The following COL5A3 variants were observed in gnomAD, a reference collection of about 807,000 sequenced individuals.
COL5A3 encodes collagen type V alpha 3 chain.
COL5A3 carries 172 observed loss-of-function variants against 250.0 expected under a neutral mutation model. The observed-to-expected ratio is 0.69, with a 90% CI of 0.61 to 0.78. COL5A3 has a LOEUF of 0.78. COL5A3 is among the 30% of genes least tolerant of loss of function. The pLI is 0.00. For missense variants in COL5A3, 2,340 were observed against 2,334.4 expected, an observed-to-expected ratio of 1.00 and a Z score of -0.05; for synonymous variants, 937 against 900.4, an observed-to-expected ratio of 1.04 and a Z score of -0.73.
rs770884353 is a variant in COL5A3, at chr19:9,960,429, G to A, written c.5220C>T (p.Pro1740=). 3.2e-5 allele frequency: 51 copies of A among 1,614,040 alleles called. No homozygotes were observed. The highest frequency in any genetic ancestry group is 1.8e-4 in the East Asian group (8 of 44,898). ...GACACTCTCAGCTGCTGAAGCAGAC[G>A]GGGCCCAGTTCAAACCCAAACTTTT... is the stretch of plus-strand genomic sequence containing the variant. The part of the protein sequence containing the change: ...TNQKFGFELG[P]VCFSS The change falls in exon 67 of 67, where the codon CCC becomes CCT. Residue 1740 remains proline (P), a synonymous_variant. Transcript: ENST00000264828.
intron 44 of COL5A3, among the ~76,000 whole-genome samples, chr19:9,976,963 C>G (rs73502989): frequency 0.042 from 6,321 of 152,208 alleles, 435 homozygotes; most frequent in African/African-American, 0.15. Context: ...GTGTCACTAA[C>G]AATGGAGAAG....
At chr19:9,984,740 A>G (rs2087070430) in intron 31 of COL5A3, among the ~76,000 whole-genome samples, 1 of 152,116 alleles carries the variant, frequency 6.6e-6, no homozygotes, top group East Asian at 1.9e-4. Flanking sequence ...CCAAGATCAC[A>G]TAGCGGGTAA....
At position 9,992,868 on chromosome 19, in the gene COL5A3, G is replaced by C. The variant is rs769984100; in HGVS notation, c.1807C>G (p.Leu603Val). The change falls in exon 21 of 67, where the codon CTG becomes GTG. Residue 603 changes from leucine to valine, a missense_variant. Transcript: ENST00000264828. ...GQAGEPGPRG[L>V]LGPRGSPGPT... is the part of the protein sequence containing the mutation. Reference sequence around the variant, plus strand: ...CCAGGAGAGCCTCTGGGGCCAAGCAGTCCTCGTGGACCCTGCAAGGGAGCA... The same window carrying C: ...CCAGGAGAGCCTCTGGGGCCAAGCACTCCTCGTGGACCCTGCAAGGGAGCA... The C allele has an allele frequency of 1.4e-5, 22 of 1,614,170 alleles. No homozygotes were observed. Among genetic ancestry groups the C allele is most frequent in the Non-Finnish European group, 1.9e-5 (22 of 1,179,996 alleles).
chr19:9,962,633 T>C (rs1372076118), intron 65 of COL5A3, among the ~76,000 whole-genome samples, 186 bp downstream of exon 65: 1 of 152,174 alleles, frequency 6.6e-6, no homozygotes, highest in Non-Finnish European at 1.5e-5. Context: ...ACCATCATTC[T>C]GTATGGCAAT....
intron 64 of COL5A3, among the ~76,000 whole-genome samples, chr19:9,963,410 G>A (rs1265355343): frequency 1.3e-5 from 2 of 151,724 alleles, no homozygotes; most frequent in Admixed American, 1.3e-4. Context: ...TATTTTTTGA[G>A]ACAGAGTCTT....
chr19:9,974,475 G>A (rs945826591), intron 45 of COL5A3, 67 bp from the exon 46 acceptor site: 1 of 1,217,590 alleles, frequency 8.2e-7, no homozygotes, highest in African/African-American at 1.5e-5. Context: ...TGAGGCTCAA[G>A]GGTCAAGACT....
At position 9,992,808 on chromosome 19, in the gene COL5A3, GAGAGCC is replaced by G. The variant is rs1490428394; in HGVS notation, c.1848+13_1848+18del. The G allele has an allele frequency of 5.6e-6, 9 of 1,612,790 alleles. No individual in the cohort carries two copies. The Admixed American group carries it at 1.5e-4, about 27-fold the overall frequency. ...AAACAAAAAGACAGACAGGGATGCA[GAGAGCC>G]AGTGACACTCACCGGGCGACCCGTG... On this transcript the variant is annotated intron_variant, in intron 21 of 66. Transcript: ENST00000264828.
rs1322787016 is a variant in COL5A3, at chr19:9,973,578, C to T, written c.3658G>A (p.Gly1220Ser). Residue 1220 changes from glycine to serine, a missense_variant, in exon 50 of 67, where the codon GGC (glycine) becomes AGC (serine). Transcript: ENST00000264828. Reference protein sequence around the residue: ...AGDPGPPGAPGIPGPKGDIGE... With the variant: ...AGDPGPPGAPSIPGPKGDIGE... The stretch of plus-strand genomic sequence containing the variant: ...ATCACACAGTCACTCACCGGGATGC[C>T]TGGGGCTCCTGGAGGCCCTGGGTCT... 3.1e-6 allele frequency: 5 copies of T among 1,612,298 alleles called. No homozygotes were observed. Among genetic ancestry groups the T allele is most frequent in the Non-Finnish European group, 4.2e-6 (5 of 1,179,192 alleles).
In COL5A3 at chr19:9,968,414, G is replaced by T; in HGVS notation, c.4285C>A (p.Gln1429Lys). The T allele has an allele frequency of 1.9e-6, 3 of 1,591,908 alleles. No individual in the cohort carries two copies. Among genetic ancestry groups the T allele is most frequent in the Non-Finnish European group, 2.6e-6 (3 of 1,174,528 alleles). Residue 1429 changes from glutamine to lysine, a missense_variant, in exon 59 of 67, where the codon CAG (glutamine) becomes AAG (lysine). Physicochemically the swap from Gln to Lys is moderately conservative, Grantham distance 53 (BLOSUM62 1). This residue lies in a region of COL5A3 where 1,179 missense variants were observed against 1,162.6 expected (regional missense o/e 1.01). Coordinates refer to ENST00000264828, the MANE Select transcript of COL5A3 (RefSeq NM_015719.4). This position sits in a 1 kb window ranked among gnomAD's most constrained non-coding sequence, Gnocchi z 4.1. ...EKGDQGLPGVQGPPGPKGDPG... is the reference protein window; with the variant it reads ...EKGDQGLPGVKGPPGPKGDPG... ...TCTCCCTTGGGACCAGGGGGTCCCT[G>T]CACGCCTGGCAACCCCTGATCTCCT... is the stretch of plus-strand genomic sequence containing the variant.
intron 61 of COL5A3, 62 bp from the exon 62 acceptor site, chr19:9,967,462 C>T: frequency 9.6e-7 from 1 of 1,044,316 alleles, no homozygotes; most frequent in South Asian, 1.6e-5. Context: ...CACCAACATA[C>T]ACACAAACAC....
intron 11 of COL5A3, chr19:9,996,914 T>TG (rs2087282371): frequency 1.9e-6 from 1 of 518,802 alleles, no homozygotes; most frequent in South Asian, 2.6e-5. Flanking sequence ...GAGAGAGGGA[T>TG]GGAGAAGGAT....
chr19:9,998,896 G>T (rs545248192), intron 8 of COL5A3, among the ~76,000 whole-genome samples: 2 of 151,882 alleles, frequency 1.3e-5, no homozygotes, highest in Non-Finnish European at 2.9e-5. Flanking sequence ...TGTTGGTTAG[G>T]CTGGTCTCGA....
rs1413281552 is a variant in COL5A3 at position 10,009,494 on chromosome 19, G to C, written c.88+804C>G. On this transcript the variant is annotated intron_variant, in intron 1 of 66. Transcript: ENST00000264828. The surrounding 1 kb of genome is among the most constrained non-coding windows in gnomAD (Gnocchi z 4.4). ...AAGGCTCCAGCAGCTGGGGTGGGGA[G>C]GGGGGGAGCAACTTCCACTCCTGCC... Among the ~76,000 whole-genome samples the C allele has an allele frequency of 1.3e-5, 2 of 151,816 alleles. No individual in the cohort carries two copies. The highest frequency in any genetic ancestry group is 2.9e-5 in the Non-Finnish European group (2 of 67,914).
At chr19:9,996,579 A>T (rs1169430704) in intron 12 of COL5A3, 36 bp downstream of exon 12, 1 of 1,612,764 alleles carries the variant, frequency 6.2e-7, no homozygotes, top group East Asian at 2.2e-5. Context: ...TCAGGACTCC[A>T]CTCCCCAAGG....
Position 9,960,813 on chromosome 19 carries a change from A to C in COL5A3, c.4929T>G (p.Ala1643=), listed in dbSNP as rs777083552. ...LNFLKLLSAT[A]RQNFTYSCQN... ...GGCAGGAGTAGGTGAAGTTCTGGCGAGCTGTGGCACTCAGCAGTTTCAGGA... is the reference window on the plus strand; with the variant it reads ...GGCAGGAGTAGGTGAAGTTCTGGCGCGCTGTGGCACTCAGCAGTTTCAGGA... The change falls in exon 66 of 67, where the codon GCT becomes GCG. Residue 1643 remains alanine, a synonymous_variant. Transcript: ENST00000264828. 4 of 1,613,602 alleles carry C rather than the reference A, an allele frequency of 2.5e-6. No homozygotes were observed. In the South Asian group the frequency reaches 3.3e-5, roughly 13 times the overall value.
In COL5A3 at chr19:9,992,008, T is replaced by C. The variant is rs766979381; in HGVS notation, c.1889A>G (p.Asn630Ser). Reference protein sequence around the residue: ...GIDGAPGAKGNVGPPGEPGPP... With the variant: ...GIDGAPGAKGSVGPPGEPGPP... ...CAAAGGGCACAGGGCACATACCACATTGCCTTTGGCACCAGGAGCACCATC... is the reference window on the plus strand; with the variant it reads ...CAAAGGGCACAGGGCACATACCACACTGCCTTTGGCACCAGGAGCACCATC... The change falls in exon 22 of 67, where the codon AAT becomes AGT. Residue 630 changes from asparagine (N) to serine (S), a missense_variant. Physicochemically the swap from Asn to Ser is conservative, Grantham distance 46. Around this residue, in one of 3 missense-constraint regions of COL5A3, gnomAD observed 1,152 missense variants for 1,146.3 expected, o/e 1.00. Coordinates refer to ENST00000264828, the MANE Select transcript of COL5A3 (RefSeq NM_015719.4). 5 of 1,613,168 alleles carry C rather than the reference T, an allele frequency of 3.1e-6. No individual in the cohort carries two copies. Among genetic ancestry groups the C allele is most frequent in the Non-Finnish European group, 3.4e-6 (4 of 1,179,340 alleles).
rs1029100807 is a variant in COL5A3 at position 9,960,733 on chromosome 19, C to T, written c.5009G>A (p.Arg1670His). ...EATGDYSHSA[R>H]FLGTNGEELS... ...CTCCTCTCCATTGGTGCCAAGGAAG[C>T]GGGCGGAGTGGCTGTAGTCACCCGT... Residue 1670 changes from arginine to histidine, a missense_variant, in exon 66 of 67, where the codon CGC (arginine) becomes CAC (histidine). By Grantham distance (29) the Arg-to-His change is conservative. This residue lies in a region of COL5A3 where 1,179 missense variants were observed against 1,162.6 expected (regional missense o/e 1.01). Coordinates refer to ENST00000264828, the MANE Select transcript of COL5A3 (RefSeq NM_015719.4). 18 of 1,613,904 alleles carry T rather than the reference C, an allele frequency of 1.1e-5. No individual in the cohort carries two copies. The highest frequency in any genetic ancestry group is 1.3e-5 in the African/African-American group (1 of 74,896).
intron 19 of COL5A3, 69 bp from the exon 20 acceptor site, chr19:9,993,136 G>T: frequency 1.3e-6 from 2 of 1,524,532 alleles, no homozygotes; most frequent in South Asian, 2.3e-5. Context: ...CCCTCATCTG[G>T]GCAGCCCCTT....
intron 31 of COL5A3, among the ~76,000 whole-genome samples, chr19:9,984,173 C>A (rs2087061483): frequency 6.6e-6 from 1 of 152,134 alleles, no homozygotes; most frequent in Non-Finnish European, 1.5e-5. Context: ...CAGGCACCCG[C>A]CACTGCACCC....
Sources: allele counts gnomAD v4.1 joint callset (sites outside exome capture counted in the v4.1 genomes callset), GRCh38; gene constraint gnomAD v4.1.1; regional missense constraint gnomAD v4.1.1; non-coding constraint Gnocchi (gnomAD v3.1); transcripts MANE v1.5; gene names NCBI Gene and HGNC (gene_info 2026-07-23, HGNC 2026-07-21).